VCAN: variants seen among roughly 807,000 people sequenced by gnomAD.
VCAN encodes the protein versican core protein.
Under a neutral mutation model 245.5 loss-of-function variants are expected in VCAN, and 44 were observed. The ratio of observed to expected loss-of-function variants is 0.18; its 90% CI spans 0.14 to 0.23. VCAN has a LOEUF of 0.23. Among genes scored for constraint, VCAN ranks in the 10% least tolerant of loss-of-function variants. The pLI, the probability that VCAN is intolerant of heterozygous loss-of-function variation, is 1.00. For missense variants in VCAN, 3,793 were observed against 4,057.9 expected (o/e 0.93, Z 1.77); for synonymous variants, 1,413 against 1,437.0 (o/e 0.98, Z 0.38).
chr5:83,489,586 T>A (rs1744902666), intron 2 of VCAN, among the ~76,000 whole-genome samples: 1 of 152,200 alleles, frequency 6.6e-6, no homozygotes, highest in Non-Finnish European at 1.5e-5. Context: ...CTGGTTCCAG[T>A]CCTATGAAGC....
intron 7 of VCAN, among the ~76,000 whole-genome samples, chr5:83,527,116 CA>C (rs2112421920): frequency 6.6e-6 from 1 of 152,306 alleles, no homozygotes; most frequent in African/African-American, 2.4e-5. Context: ...CCTGAAAGAG[CA>C]AACTCTGGGA....
chr5:83,568,616 T>C (rs186154602), intron 12 of VCAN, among the ~76,000 whole-genome samples: 3 of 152,138 alleles, frequency 2.0e-5, no homozygotes, highest in African/African-American at 7.2e-5. Context: ...AGCTGCAAAA[T>C]ATAGGGCAGT....
intron 5 of VCAN, among the ~76,000 whole-genome samples, chr5:83,494,590 G>A (rs1745098598): frequency 6.6e-6 from 1 of 152,178 alleles, no homozygotes; most frequent in Non-Finnish European, 1.5e-5. Flanking sequence ...CTGAGTTAGA[G>A]ATTCTTAAAG....
At position 83,573,427 on chromosome 5, in the gene VCAN, G is replaced by A. The variant is rs191426369; in HGVS notation, c.9880+867G>A. The stretch of plus-strand genomic sequence containing the variant: ...CTCCATTTATTGCAGTCCTCATTGA[G>A]TCCTTCCTTTGTTTTATGTGAGTCC... On this transcript the variant is annotated intron_variant, in intron 13 of 14. Coordinates refer to ENST00000265077, the MANE Select transcript of VCAN (RefSeq NM_004385.5). 2.1e-3 allele frequency among the ~76,000 whole-genome samples: 312 copies of A among 151,960 alleles called. 1 individual carries two copies. The highest frequency in any genetic ancestry group is 7.2e-3 in the African/African-American group (297 of 41,444).
intron 3 of VCAN, among the ~76,000 whole-genome samples, chr5:83,491,036 T>C (rs1580603456): frequency 1.3e-5 from 2 of 152,314 alleles, no homozygotes; most frequent in South Asian, 4.1e-4. Flanking sequence ...CAAGACTTAA[T>C]AAATATTTGA....
chr5:83,532,988 G>T (rs1251650028), intron 7 of VCAN, among the ~76,000 whole-genome samples: 2 of 152,048 alleles, frequency 1.3e-5, no homozygotes, highest in Non-Finnish European at 2.9e-5. Context: ...CTCACAAAAA[G>T]ATGGTATATA....
At chr5:83,505,048 C>G (rs975667490) in intron 5 of VCAN, among the ~76,000 whole-genome samples, 1 of 152,100 alleles carries the variant, frequency 6.6e-6, no homozygotes, top group African/African-American at 2.4e-5. Flanking sequence ...CCATTACCTC[C>G]CCCTGGGTCC....
rs115336789 is a variant in VCAN, at chr5:83,519,706, C to A, written c.1400C>A (p.Ser467Tyr). ...GTGCTCCAGAGTACAACTGGCGTCT[C>A]TCATTATGCTACGGATTCATGGGAT... ...EEVLQSTTGV[S>Y]HYATDSWDGV... The change falls in exon 7 of 15, where the codon TCT becomes TAT. Residue 467 changes from serine (S) to tyrosine (Y), a missense_variant. Coordinates refer to ENST00000265077, the MANE Select transcript of VCAN (RefSeq NM_004385.5). The A allele has an allele frequency of 1.9e-5, 31 of 1,614,126 alleles. No homozygotes were observed. The South Asian group carries it at 3.1e-4, about 16-fold the overall frequency.
At chr5:83,532,455 A>G (rs1318090310) in intron 7 of VCAN, among the ~76,000 whole-genome samples, 1 of 152,100 alleles carries the variant, frequency 6.6e-6, no homozygotes, top group Non-Finnish European at 1.5e-5. Context: ...ATGGGAAGAA[A>G]TTATACTGAC....
intron 1 of VCAN, among the ~76,000 whole-genome samples, chr5:83,476,914 T>G (rs990623174): frequency 5.9e-5 from 9 of 152,276 alleles, no homozygotes; most frequent in Admixed American, 3.3e-4. Context: ...CTTCTAAGGA[T>G]TTTAAGAGGT....
At chr5:83,507,951 C>G (rs545869598) in intron 5 of VCAN, among the ~76,000 whole-genome samples, 1 of 152,296 alleles carries the variant, frequency 6.6e-6, no homozygotes. Flanking sequence ...GGTTGAAAGA[C>G]TTATTCCTGG....
At chr5:83,549,595 T>G (rs615336) in intron 10 of VCAN, among the ~76,000 whole-genome samples, 71,778 of 151,648 alleles carry the variant, frequency 0.47, 17,093 homozygotes, top group Admixed American at 0.5. Context: ...TCTGATGCAT[T>G]GAGTGGCAAC....
chr5:83,577,017 C>T (rs922126698), intron 13 of VCAN, among the ~76,000 whole-genome samples: 2 of 152,080 alleles, frequency 1.3e-5, no homozygotes, highest in Non-Finnish European at 2.9e-5. Flanking sequence ...CAGTTTGTTG[C>T]TTGACTTCAC....
At chr5:83,564,498 T>C (rs1431767923) in intron 12 of VCAN, among the ~76,000 whole-genome samples, 4 of 152,212 alleles carry the variant, frequency 2.6e-5, no homozygotes, top group Non-Finnish European at 5.9e-5. Flanking sequence ...ATTTTTCAAA[T>C]GCAGCATGAA....
At chr5:83,543,432 TC>T (rs1472285090) in intron 8 of VCAN, among the ~76,000 whole-genome samples, 1 of 152,224 alleles carries the variant, frequency 6.6e-6, no homozygotes, top group Non-Finnish European at 1.5e-5. Flanking sequence ...TTAAAATTAT[TC>T]TTCTGATCAT....
At chr5:83,569,077 A>G (rs1361628221) in intron 12 of VCAN, among the ~76,000 whole-genome samples, 1 of 152,224 alleles carries the variant, frequency 6.6e-6, no homozygotes, top group Non-Finnish European at 1.5e-5. Context: ...GTCTGGCTAT[A>G]TCATAATTTA....
intron 7 of VCAN, chr5:83,536,751 G>T: frequency 3.2e-6 from 1 of 311,562 alleles, no homozygotes; most frequent in Non-Finnish European, 5.9e-6. Context: ...TAAGGACTAT[G>T]TTGTTTTCTT....
chr5:83,550,538 G>A (rs1747420520), intron 10 of VCAN, among the ~76,000 whole-genome samples: 1 of 152,178 alleles, frequency 6.6e-6, no homozygotes, highest in South Asian at 2.1e-4. Context: ...AGCATCCTGG[G>A]AGATGCAGCT....
chr5:83,532,239 T>G (rs1266173176), intron 7 of VCAN, among the ~76,000 whole-genome samples: 4 of 151,978 alleles, frequency 2.6e-5, no homozygotes, highest in Admixed American at 2.6e-4. Context: ...ATAACGTGTG[T>G]GGTGGGTGGA....
Sources: gnomAD v4.1 joint callset for allele counts (sites outside exome capture counted in the v4.1 genomes callset) on GRCh38, gnomAD v4.1.1 for gene constraint, MANE v1.5 for transcripts, NCBI Gene and HGNC (gene_info 2026-07-23, HGNC 2026-07-21) for gene names.